ERBB4: variants seen among roughly 807,000 people sequenced by gnomAD.
ERBB4 encodes receptor tyrosine-protein kinase erbB-4.
A neutral mutation model predicts 158.0 loss-of-function variants in ERBB4; 42 were observed. The ratio of observed to expected loss-of-function variants is 0.27; its 90% CI spans 0.21 to 0.34. ERBB4 has a LOEUF of 0.34. Ranked by LOEUF, ERBB4 falls within the 10% of genes least tolerant of loss-of-function variation. The pLI, the probability that ERBB4 is intolerant of heterozygous loss-of-function variation, is 1.00. For synonymous variants in ERBB4, 583 were observed against 558.7 expected, an observed-to-expected ratio of 1.04 and a Z score of -0.61; for missense variants, 1,333 against 1,624.1, an observed-to-expected ratio of 0.82 and a Z score of 3.08.
chr2:211,609,284 T>C (rs1223743200), intron 19 of ERBB4, among the ~76,000 whole-genome samples: 2 of 152,156 alleles, frequency 1.3e-5, no homozygotes, highest in Non-Finnish European at 2.9e-5. Flanking sequence ...CCTGTTTGAC[T>C]GTAGGTCATT....
intron 4 of ERBB4, among the ~76,000 whole-genome samples, chr2:211,770,488 G>T (rs1470756300): frequency 6.6e-6 from 1 of 152,100 alleles, no homozygotes; most frequent in Admixed American, 6.6e-5. Flanking sequence ...TGAACGGTGT[G>T]AAAACCTTTC....
At chr2:211,401,859 G>GCAAA (rs1448349821) in intron 25 of ERBB4, among the ~76,000 whole-genome samples, 1 of 151,326 alleles carries the variant, frequency 6.6e-6, no homozygotes. Context: ...CCAATAAATA[G>GCAAA]CAAACAAACA....
rs1553585906 is a variant in ERBB4 at position 212,188,239 on chromosome 2, C to CCCT, written c.83-63337_83-63336insAGG. Among the ~76,000 whole-genome samples, 54 of 14,370 alleles carry CCCT rather than the reference C, an allele frequency of 3.8e-3. 6 individuals are homozygous for CCCT. Among genetic ancestry groups the CCCT allele is most frequent in the African/African-American group, 0.013 (48 of 3,686 alleles). The allele number at this position is 14,370 out of a possible 152,430, so 9.4% of individuals were successfully genotyped here. A position where few individuals can be genotyped will look rare whatever the true frequency, so the allele number is the denominator to read the frequency against. ...CTCTCTCTCTCTCTCTCTCTCCCCC[C>CCCT]CCCTCTCACCCCCTCCCTCCCTCCC... is the stretch of plus-strand genomic sequence containing the variant. On this transcript the variant is annotated intron_variant, in intron 1 of 27. Coordinates refer to ENST00000342788, the MANE Select transcript of ERBB4 (RefSeq NM_005235.3).
Position 212,024,370 on chromosome 2 carries a change from T to A in ERBB4, c.235-76754A>T, listed in dbSNP as rs571180439. On this transcript the variant is annotated intron_variant, in intron 2 of 27. Coordinates refer to ENST00000342788, the MANE Select transcript of ERBB4 (RefSeq NM_005235.3). ...CTTTGTTAATGTTATCTTTATATTA[T>A]CAGAAGCAATAATGTTTCCATTATT... is the stretch of plus-strand genomic sequence containing the variant. Among the ~76,000 whole-genome samples, 100 of 152,034 alleles carry A rather than the reference T, an allele frequency of 6.6e-4. 1 individual carries two copies. The highest frequency in any genetic ancestry group is 1.2e-3 in the Non-Finnish European group (81 of 67,864).
rs184214614 is a variant in ERBB4 at position 211,608,705 on chromosome 2, C to G, written c.2301+10472G>C. On this transcript the variant is annotated intron_variant, in intron 19 of 27. Transcript: ENST00000342788. ...GAATGCTAGGCTGATCCTTTTTCACCCTGGCTTTGGTGTGCAGTTGAGTTA... is the reference window on the plus strand; with the variant it reads ...GAATGCTAGGCTGATCCTTTTTCACGCTGGCTTTGGTGTGCAGTTGAGTTA... Among the ~76,000 whole-genome samples the G allele has an allele frequency of 1.5e-4, 23 of 152,116 alleles. No homozygotes were observed. The East Asian group carries it at 4.3e-3, about 28-fold the overall frequency.
chr2:212,419,591 TG>T (rs1397693882), intron 1 of ERBB4, among the ~76,000 whole-genome samples: 4 of 151,910 alleles, frequency 2.6e-5, no homozygotes, highest in Non-Finnish European at 5.9e-5. Context: ...TATTATAATA[TG>T]CCCTGTTTTC....
intron 1 of ERBB4, among the ~76,000 whole-genome samples, chr2:212,339,460 T>C (rs1388341440): frequency 6.6e-6 from 1 of 152,222 alleles, no homozygotes; most frequent in African/African-American, 2.4e-5. Context: ...ATAAATTAAC[T>C]AGAACTGGTT....
chr2:211,920,227 G>A (rs2079820778), intron 3 of ERBB4, among the ~76,000 whole-genome samples: 1 of 151,836 alleles, frequency 6.6e-6, no homozygotes, highest in Non-Finnish European at 1.5e-5. Context: ...AGCCCTTTTG[G>A]CTTATTGTGC....
intron 3 of ERBB4, among the ~76,000 whole-genome samples, chr2:211,885,674 G>A (rs999895798): frequency 3.3e-5 from 5 of 152,082 alleles, no homozygotes; most frequent in African/African-American, 7.2e-5. Flanking sequence ...TGTCCAGGCT[G>A]GTCTTGAACT....
chr2:212,512,218 T>C (rs1039315806), intron 1 of ERBB4, among the ~76,000 whole-genome samples: 1 of 152,158 alleles, frequency 6.6e-6, no homozygotes, highest in African/African-American at 2.4e-5. Flanking sequence ...ACACTACACC[T>C]TTGGAGTCAG....
chr2:212,135,338 T>G (rs1268348409), intron 1 of ERBB4, among the ~76,000 whole-genome samples: 8 of 152,312 alleles, frequency 5.3e-5, no homozygotes, highest in Admixed American at 6.5e-5. Context: ...TTTTGAGTAG[T>G]CTACCTTGAT....
intron 1 of ERBB4, among the ~76,000 whole-genome samples, chr2:212,515,989 A>C (rs572103390): frequency 1.3e-5 from 2 of 152,186 alleles, no homozygotes; most frequent in South Asian, 4.1e-4. Context: ...GATTTCATAT[A>C]ATAATTCTAA....
chr2:212,070,566 A>G (rs2078084463), intron 2 of ERBB4, among the ~76,000 whole-genome samples: 2 of 152,086 alleles, frequency 1.3e-5, no homozygotes, highest in Non-Finnish European at 2.9e-5. Context: ...ACTTTTGGCC[A>G]GGGAATCAAG....
At chr2:212,272,959 C>T (rs1307908975) in intron 1 of ERBB4, among the ~76,000 whole-genome samples, 1 of 151,538 alleles carries the variant, frequency 6.6e-6, no homozygotes, top group African/African-American at 2.4e-5. Flanking sequence ...ATAAAAACCA[C>T]TACATTTTAC....
chr2:211,556,185 C>G (rs1232754128), intron 20 of ERBB4, among the ~76,000 whole-genome samples: 1 of 151,976 alleles, frequency 6.6e-6, no homozygotes. Flanking sequence ...TCAAAAAAGA[C>G]AAAAAGGGGC....
intron 1 of ERBB4, among the ~76,000 whole-genome samples, chr2:212,498,195 C>G (rs1250319868): frequency 2.0e-5 from 3 of 151,712 alleles, no homozygotes; most frequent in Non-Finnish European, 4.4e-5. Context: ...TTTGTAATAA[C>G]CCCTTCCCCA....
intron 20 of ERBB4, among the ~76,000 whole-genome samples, chr2:211,514,732 C>T (rs2065979108): frequency 6.6e-6 from 1 of 152,112 alleles, no homozygotes; most frequent in African/African-American, 2.4e-5. Flanking sequence ...TGCTTGGGGG[C>T]AGACATGTTT....
rs2125411860 is a variant in ERBB4 at position 211,424,203 on chromosome 2, G to A, written c.2818C>T (p.Pro940Ser). The change falls in exon 23 of 28, where the codon CCT (proline) becomes TCT (serine). Residue 940 changes from proline (P) to serine (S), a missense_variant. This residue lies in a region of ERBB4 where 314 missense variants were observed against 437.6 expected (regional missense o/e 0.72). Transcript: ENST00000342788. ...PDLLEKGERL[P>S]QPPICTIDVY... is the part of the protein sequence containing the mutation. ...TCAATAGTGCAGATGGGAGGCTGAG[G>A]CAAACGTTCTCCTTTCTCTAATAAA... 1 of 1,613,312 alleles carries A rather than the reference G, an allele frequency of 6.2e-7. No individual in the cohort carries two copies. Among genetic ancestry groups the A allele is most frequent in the South Asian group, 1.1e-5 (1 of 91,062 alleles).
chr2:211,445,604 G>C (rs2125463101), intron 20 of ERBB4, among the ~76,000 whole-genome samples: 1 of 152,162 alleles, frequency 6.6e-6, no homozygotes, highest in Middle Eastern at 3.4e-3. Flanking sequence ...AATACAATAG[G>C]GACGTACAAA....
Sources: gnomAD v4.1 joint callset for allele counts (sites outside exome capture counted in the v4.1 genomes callset) on GRCh38, gnomAD v4.1.1 for gene constraint, gnomAD v4.1.1 regional missense constraint, MANE v1.5 for transcripts, NCBI Gene and HGNC (gene_info 2026-07-23, HGNC 2026-07-21) for gene names.